ZRANB1: variants seen among roughly 807,000 people sequenced by gnomAD.
ZRANB1 encodes zinc finger RANBP2-type containing 1, also known as ubiquitin thioesterase ZRANB1.
ZRANB1 carries 16 observed loss-of-function variants against 80.5 expected under a neutral mutation model. That is an observed-to-expected ratio of 0.20 (90% CI 0.13 to 0.30). ZRANB1 has a LOEUF of 0.30. Ranked by LOEUF, ZRANB1 falls within the 10% of genes least tolerant of loss-of-function variation. ZRANB1 has a pLI of 1.00. For synonymous variants in ZRANB1, 291 were observed against 293.1 expected, an observed-to-expected ratio of 0.99 and a Z score of 0.07; for missense variants, 576 against 862.6, an observed-to-expected ratio of 0.67 and a Z score of 4.16.
chr10:124,944,993 T>A (rs1589839853), intron 1 of ZRANB1, among the ~76,000 whole-genome samples: 1 of 152,228 alleles, frequency 6.6e-6, no homozygotes, highest in East Asian at 1.9e-4. Context: ...ATTTTTCTGC[T>A]CCAAATTGAG....
chr10:124,963,237 G>C (rs1048764909), intron 1 of ZRANB1, among the ~76,000 whole-genome samples: 23 of 135,148 alleles, frequency 1.7e-4, no homozygotes, highest in Non-Finnish European at 2.9e-4. Flanking sequence ...CTGCATTCCA[G>C]CCTGGGTGAC....
chr10:124,972,102 A>G lies in ZRANB1; in HGVS notation c.1140A>G (p.Thr380=), dbSNP rs780125749. ...GCTATTTTCTGACTGACCTTGTAAC[A>G]TTTACATTGCCAGCAGGTAACTCCA... The part of the protein sequence containing the change: ...FACYFLTDLV[T]FTLPADIEDL... Residue 380 remains threonine, a synonymous_variant, in exon 3 of 9, where the codon ACA becomes ACG. Transcript: ENST00000359653. 1.9e-6 allele frequency: 3 copies of G among 1,611,958 alleles called. No homozygotes were observed. The highest frequency in any genetic ancestry group is 8.5e-7 in the Non-Finnish European group (1 of 1,179,412).
intron 1 of ZRANB1, among the ~76,000 whole-genome samples, chr10:124,959,968 C>G (rs566697547): frequency 2.6e-5 from 4 of 152,166 alleles, no homozygotes; most frequent in Admixed American, 1.3e-4. Flanking sequence ...GTAGAATTGG[C>G]AAAACTTGGA....
intron 5 of ZRANB1, among the ~76,000 whole-genome samples, chr10:124,977,500 AGG>A (rs1951887966): frequency 6.6e-6 from 1 of 151,806 alleles, no homozygotes; most frequent in South Asian, 2.1e-4. Context: ...TCTTGAGCCT[AGG>A]AGTTCAAGAC....
the ZRANB1 span, among the ~76,000 whole-genome samples, chr10:124,921,633 T>C: frequency 2.0e-5 from 3 of 152,306 alleles, no homozygotes; most frequent in South Asian, 2.1e-4. Context: ...CCCTTGAAAT[T>C]CATTTTTAGA....
intron 5 of ZRANB1, among the ~76,000 whole-genome samples, chr10:124,978,631 T>C (rs925894800): frequency 5.3e-5 from 8 of 152,052 alleles, no homozygotes; most frequent in African/African-American, 1.9e-4. Context: ...AATTATTCCT[T>C]TTTTTCTTTT....
chr10:124,938,698 A>C (rs1043107521), upstream of ZRANB1, among the ~76,000 whole-genome samples: 1 of 149,540 alleles, frequency 6.7e-6, no homozygotes, highest in African/African-American at 2.5e-5. Context: ...AACACTGTAC[A>C]TCATTACGTT....
At chr10:124,951,435 A>G (rs1276045390) in intron 1 of ZRANB1, among the ~76,000 whole-genome samples, 1 of 152,240 alleles carries the variant, frequency 6.6e-6, no homozygotes, top group Non-Finnish European at 1.5e-5. Flanking sequence ...GTCAAAACGG[A>G]AAAGGAAATC....
chr10:124,933,105 A>T, the ZRANB1 span, among the ~76,000 whole-genome samples: 1 of 150,916 alleles, frequency 6.6e-6, no homozygotes, highest in African/African-American at 2.4e-5. Context: ...TAATCAGTGA[A>T]GTCCAGCTTA....
the ZRANB1 span, among the ~76,000 whole-genome samples, chr10:124,920,154 C>T: frequency 6.6e-6 from 1 of 151,114 alleles, no homozygotes; most frequent in South Asian, 2.1e-4. Context: ...AACTCCTGAC[C>T]TCAGATGATC....
the ZRANB1 span, among the ~76,000 whole-genome samples, chr10:124,928,600 T>TTGTTGTTGAATTTTGATGATTGA: frequency 1.3e-5 from 2 of 152,122 alleles, no homozygotes; most frequent in African/African-American, 4.8e-5. Flanking sequence ...TTACATAAAA[T>TTGTTGTTGAATTTTGATGATTGA]ACTGTTGAAA....
intron 1 of ZRANB1, among the ~76,000 whole-genome samples, chr10:124,954,911 C>A (rs527273093): frequency 1.5e-4 from 23 of 150,890 alleles, no homozygotes; most frequent in African/African-American, 5.6e-4. Flanking sequence ...GGGCAGATCA[C>A]GAGGTCAGGA....
chr10:124,986,606 A>G lies in ZRANB1; in HGVS notation c.*1614A>G, dbSNP rs1952050522. 1.3e-5 allele frequency: 2 copies of G among 152,170 alleles called. No homozygotes were observed. Among genetic ancestry groups the G allele is most frequent in the South Asian group, 4.1e-4 (2 of 4,830 alleles). The allele number at this position is 152,170 out of a possible 1,614,324, so 9.4% of individuals were successfully genotyped here. A position where few individuals can be genotyped will look rare whatever the true frequency, so the allele number is the denominator to read the frequency against. ...TTCTGTAGAAATGAATCTTTGATATAATGTAAATGCTGCTGTTTGTTTCAA... is the reference window on the plus strand; with the variant it reads ...TTCTGTAGAAATGAATCTTTGATATGATGTAAATGCTGCTGTTTGTTTCAA... On this transcript the variant is annotated 3_prime_UTR_variant, in exon 9 of 9. Coordinates refer to ENST00000359653, the MANE Select transcript of ZRANB1 (RefSeq NM_017580.3).
intron 1 of ZRANB1, among the ~76,000 whole-genome samples, chr10:124,951,288 G>T (rs776226911): frequency 3.3e-5 from 5 of 152,102 alleles, no homozygotes; most frequent in Non-Finnish European, 7.4e-5. Flanking sequence ...CTGGTGTAAT[G>T]AAAGGGAGGT....
At chr10:124,932,000 C>CCCTG in the ZRANB1 span, among the ~76,000 whole-genome samples, 1 of 152,126 alleles carries the variant, frequency 6.6e-6, no homozygotes, top group Admixed American at 6.5e-5. Flanking sequence ...TCTTGCAATC[C>CCCTG]CCTGATCTTT....
At chr10:124,959,681 A>G (rs2134270047) in intron 1 of ZRANB1, among the ~76,000 whole-genome samples, 1 of 152,242 alleles carries the variant, frequency 6.6e-6, no homozygotes, top group Non-Finnish European at 1.5e-5. Context: ...GCTGGTCTTG[A>G]ACTGCTGAGC....
upstream of ZRANB1, chr10:124,940,498 A>G: frequency 7.8e-7 from 1 of 1,287,094 alleles, no homozygotes; most frequent in South Asian, 1.2e-5. Flanking sequence ...CCGTACTTTT[A>G]TTCTAATCAT....
chr10:124,978,723 C>T (rs1951903342), intron 5 of ZRANB1, among the ~76,000 whole-genome samples: 1 of 151,674 alleles, frequency 6.6e-6, no homozygotes, highest in Admixed American at 6.6e-5. Context: ...ACCTTGTGGG[C>T]TCAAGCAATT....
At chr10:124,951,711 C>G (rs1951640219) in intron 1 of ZRANB1, among the ~76,000 whole-genome samples, 1 of 152,170 alleles carries the variant, frequency 6.6e-6, no homozygotes, top group African/African-American at 2.4e-5. Context: ...AATCCCAGCA[C>G]TTTGGGAGAG....
Sources: allele counts gnomAD v4.1 joint callset (sites outside exome capture counted in the v4.1 genomes callset), GRCh38; gene constraint gnomAD v4.1.1; transcripts MANE v1.5; gene names NCBI Gene and HGNC (gene_info 2026-07-23, HGNC 2026-07-21).